PRLR: variants seen among roughly 807,000 people sequenced by gnomAD.
The protein encoded by PRLR is prolactin receptor, also known as hPRL receptor.
PRLR carries 13 observed loss-of-function variants against 40.2 expected under a neutral mutation model. The ratio of observed to expected loss-of-function variants is 0.32; its 90% CI spans 0.21 to 0.51. PRLR has a LOEUF of 0.51. Ranked by LOEUF, PRLR falls within the 20% of genes least tolerant of loss-of-function variation. PRLR has a pLI of 0.97. For synonymous variants in PRLR, 269 were observed against 278.7 expected (o/e 0.97, Z 0.35); for missense variants, 656 against 747.3 (o/e 0.88, Z 1.42).
At chr5:35,154,542 G>A (rs1011416781) in intron 1 of PRLR, among the ~76,000 whole-genome samples, 1 of 152,116 alleles carries the variant, frequency 6.6e-6, no homozygotes, top group Non-Finnish European at 1.5e-5. Context: ...CTGTTGGTGG[G>A]AGTGTAAATT....
intron 1 of PRLR, among the ~76,000 whole-genome samples, chr5:35,183,169 C>G (rs991300893): frequency 1.3e-5 from 2 of 152,154 alleles, no homozygotes; most frequent in Non-Finnish European, 1.5e-5. Context: ...GCAGAGAGCT[C>G]CAATTGCTAG....
At chr5:35,066,815 G>C (rs1561262235) in intron 9 of PRLR, among the ~76,000 whole-genome samples, 1 of 143,220 alleles carries the variant, frequency 7.0e-6, no homozygotes, top group Non-Finnish European at 1.5e-5. Context: ...CCAGGCTGGA[G>C]TGCAGTGGCA....
intron 1 of PRLR, among the ~76,000 whole-genome samples, chr5:35,188,381 C>G (rs1235888521): frequency 6.6e-6 from 1 of 152,198 alleles, no homozygotes; most frequent in African/African-American, 2.4e-5. Flanking sequence ...TGGGATCAGC[C>G]CACGTTGCAC....
intron 1 of PRLR, among the ~76,000 whole-genome samples, chr5:35,145,051 C>T (rs961435864): frequency 3.3e-5 from 5 of 152,066 alleles, no homozygotes; most frequent in African/African-American, 9.7e-5. Context: ...CCTTTGTATT[C>T]GTGATAAAAT....
intron 3 of PRLR, among the ~76,000 whole-genome samples, chr5:35,086,650 A>C (rs1770872418): frequency 6.6e-6 from 1 of 152,054 alleles, no homozygotes; most frequent in South Asian, 2.1e-4. Context: ...TTCAACAAAG[A>C]ATGAGCCTTG....
rs1769082233 is a variant in PRLR, at chr5:35,062,251, C to G, written c.*2838G>C. On this transcript the variant is annotated 3_prime_UTR_variant, in exon 10 of 10. Transcript: ENST00000618457. ...AAAAATATTCAGTGAGTCATGGAAT[C>G]AAGGAGTCAGTTTCAAAGGACCTTA... 6.6e-6 allele frequency: 1 copy of G among 152,106 alleles called. No homozygotes were observed. The highest frequency in any genetic ancestry group is 2.1e-4 in the South Asian group (1 of 4,828). 9.4% of individuals were successfully genotyped at this position (152,106 alleles called of 1,614,324 possible).
downstream of PRLR, among the ~76,000 whole-genome samples, chr5:35,052,584 G>A (rs1173466464): frequency 6.6e-6 from 1 of 152,124 alleles, no homozygotes; most frequent in Admixed American, 6.6e-5. Flanking sequence ...GCAGGTCATG[G>A]AAACTGGAAC....
At chr5:35,100,697 A>C (rs1771824518) in intron 2 of PRLR, among the ~76,000 whole-genome samples, 1 of 152,208 alleles carries the variant, frequency 6.6e-6, no homozygotes, top group Non-Finnish European at 1.5e-5. Flanking sequence ...CATTTCTCAA[A>C]AAGTATCCCC....
At chr5:35,197,425 C>T (rs1391864946) in intron 1 of PRLR, among the ~76,000 whole-genome samples, 1 of 152,194 alleles carries the variant, frequency 6.6e-6, no homozygotes, top group Non-Finnish European at 1.5e-5. Context: ...GCGGGGTTCC[C>T]CCTGGGAAGT....
intron 3 of PRLR, 59 bp downstream of exon 3, chr5:35,089,492 T>C (rs2112473930): frequency 8.3e-7 from 1 of 1,211,364 alleles, no homozygotes; most frequent in South Asian, 1.2e-5. Flanking sequence ...GCATGGACTC[T>C]CCACCCTGTT....
chr5:35,097,263 A>G (rs2112497857), intron 2 of PRLR, among the ~76,000 whole-genome samples: 1 of 152,312 alleles, frequency 6.6e-6, no homozygotes, highest in South Asian at 2.1e-4. Flanking sequence ...ATACATAAAA[A>G]CATGTATAAT....
chr5:35,071,520 G>A lies in PRLR; in HGVS notation c.543+1055C>T, dbSNP rs571228411. Among the ~76,000 whole-genome samples the A allele has an allele frequency of 4.1e-4, 62 of 152,294 alleles. 1 individual carries two copies. The highest frequency in any genetic ancestry group is 1.3e-3 in the African/African-American group (55 of 41,562). On this transcript the variant is annotated intron_variant, in intron 6 of 9. Coordinates refer to ENST00000618457, the MANE Select transcript of PRLR (RefSeq NM_000949.7). ...CTTTTTAAAAGAGGCATATACTAAA[G>A]TATGTAAAGATGGAATATTGTACCA... is the stretch of plus-strand genomic sequence containing the variant.
At chr5:35,049,359 G>A (rs1768396222) in exon 9 of PRLR, 2 of 702,964 alleles carry the variant, frequency 2.8e-6, no homozygotes, top group African/African-American at 1.7e-5. Flanking sequence ...TTCTTGGTCT[G>A]TAAGATTTGA....
rs986818736 is a variant in PRLR at position 35,084,347 on chromosome 5, G to A, written c.373+123C>T. 7.1e-5 allele frequency: 68 copies of A among 957,722 alleles called. 1 individual carries two copies. In the African/African-American group the frequency reaches 9.5e-4, roughly 13 times the overall value. The allele number at this position is 957,722 out of a possible 1,614,324, so 59.3% of individuals were successfully genotyped here. A position where few individuals can be genotyped will look rare whatever the true frequency, so the allele number is the denominator to read the frequency against. ...GAACTGTTCTGTTGACAAGCATATCGTGAGTTTTCTCATCTTTCTTTTTGG... is the reference window on the plus strand; with the variant it reads ...GAACTGTTCTGTTGACAAGCATATCATGAGTTTTCTCATCTTTCTTTTTGG... On this transcript the variant is annotated intron_variant, in intron 5 of 9. Transcript: ENST00000618457.
At chr5:35,215,461 T>A (rs1776262757) in intron 1 of PRLR, among the ~76,000 whole-genome samples, 1 of 152,216 alleles carries the variant, frequency 6.6e-6, no homozygotes, top group South Asian at 2.1e-4. Context: ...CTCCCATGAA[T>A]TGTGTGCTTC....
chr5:35,190,234 A>G (rs1775564043), intron 1 of PRLR, among the ~76,000 whole-genome samples: 1 of 152,208 alleles, frequency 6.6e-6, no homozygotes, highest in Admixed American at 6.5e-5. Flanking sequence ...CAAAGAGATT[A>G]AGTTCTTCCC....
intron 1 of PRLR, among the ~76,000 whole-genome samples, chr5:35,189,383 C>T (rs376004380): frequency 6.6e-6 from 1 of 152,102 alleles, no homozygotes; most frequent in Non-Finnish European, 1.5e-5. Flanking sequence ...GAGTTTGAGA[C>T]CAGTCTGGCC....
chr5:35,170,555 G>T (rs897665819), intron 1 of PRLR, among the ~76,000 whole-genome samples: 3 of 152,178 alleles, frequency 2.0e-5, no homozygotes, highest in Admixed American at 2.0e-4. Context: ...TAGTCTGCTA[G>T]TGAGGAAGCT....
intron 1 of PRLR, among the ~76,000 whole-genome samples, chr5:35,212,579 C>T (rs1458335171): frequency 6.6e-6 from 1 of 152,050 alleles, no homozygotes; most frequent in Non-Finnish European, 1.5e-5. Context: ...CAGTGAAGTC[C>T]CCTGGTATGA....
Sources: gnomAD v4.1 joint callset for allele counts (sites outside exome capture counted in the v4.1 genomes callset) on GRCh38, gnomAD v4.1.1 for gene constraint, MANE v1.5 for transcripts, NCBI Gene and HGNC (gene_info 2026-07-23, HGNC 2026-07-21) for gene names.